Variants in HNRNPA1 observed in about 807,000 individuals in gnomAD.
HNRNPA1 encodes epididymis secretory sperm binding protein.
A neutral mutation model predicts 44.4 loss-of-function variants in HNRNPA1; 7 were observed. That is an observed-to-expected ratio of 0.16 (90% CI 0.09 to 0.30). The LOEUF is 0.30. HNRNPA1 is among the 10% of genes least tolerant of loss of function. The pLI, the probability that HNRNPA1 is intolerant of heterozygous loss-of-function variation, is 1.00. For synonymous variants in HNRNPA1, 169 were observed against 160.6 expected, an observed-to-expected ratio of 1.05 and a Z score of -0.40; for missense variants, 193 against 465.8, an observed-to-expected ratio of 0.41 and a Z score of 5.39.
chr12:54,283,801 C>G lies in HNRNPA1; in HGVS notation c.908-11C>G. ...CAGGTAACAGATAAAGGCCCTCTTT[C>G]CCATTCATAGGAAGCAATTTTGGAG... On this transcript the variant is annotated splice_polypyrimidine_tract_variant and intron_variant, in intron 8 of 10. Coordinates refer to ENST00000340913, the MANE Select transcript of HNRNPA1 (RefSeq NM_031157.4). 1 of 1,613,352 alleles carries G rather than the reference C, an allele frequency of 6.2e-7. No individual in the cohort carries two copies. The highest frequency in any genetic ancestry group is 1.3e-5 in the African/African-American group (1 of 75,006).
At chr12:54,284,430 G>C in intron 10 of HNRNPA1, 113 bp downstream of exon 10, 1 of 1,004,752 alleles carries the variant, frequency 1.0e-6, no homozygotes, top group South Asian at 1.3e-5. Flanking sequence ...TGCAGTAATT[G>C]TGGATATAAA....
In HNRNPA1 at chr12:54,280,949, C is replaced by A. The variant is rs998472863; in HGVS notation, c.15+127C>A. ...TCCTTCGGTCGCTGCCACGGCCTAC[C>A]CCTCCCAAAGTTCAAGTCGCCATTT... On this transcript the variant is annotated intron_variant, in intron 1 of 10. Transcript: ENST00000340913. 3.8e-6 allele frequency: 4 copies of A among 1,040,406 alleles called. No individual in the cohort carries two copies. In the African/African-American group the frequency reaches 4.7e-5, roughly 12 times the overall value. 64.4% of individuals were successfully genotyped at this position (1,040,406 alleles called of 1,614,324 possible). A position where few individuals can be genotyped will look rare whatever the true frequency, so the allele number is the denominator to read the frequency against.
chr12:54,284,351 T>A, intron 10 of HNRNPA1, 34 bp downstream of exon 10: 1 of 1,583,410 alleles, frequency 6.3e-7, no homozygotes, highest in Non-Finnish European at 8.7e-7. Context: ...TTGACATAAT[T>A]TTTTAAATTG....
chr12:54,285,239 C>T lies in HNRNPA1; in HGVS notation c.*695C>T, dbSNP rs1418493277. Reference sequence around the variant, plus strand: ...TGTGTAATCAATAAACGATTTAATTCTCTTGAATGAAATGACAACTGTATG... The same window carrying T: ...TGTGTAATCAATAAACGATTTAATTTTCTTGAATGAAATGACAACTGTATG... On this transcript the variant is annotated 3_prime_UTR_variant, in exon 11 of 11. Coordinates refer to ENST00000340913, the MANE Select transcript of HNRNPA1 (RefSeq NM_031157.4). 6.5e-6 allele frequency: 1 copy of T among 152,674 alleles called. No individual in the cohort carries two copies. Among genetic ancestry groups the T allele is most frequent in the Admixed American group, 6.5e-5 (1 of 15,286 alleles). The allele number at this position is 152,674 out of a possible 1,614,324, so 9.5% of individuals were successfully genotyped here. A position where few individuals can be genotyped will look rare whatever the true frequency, so the allele number is the denominator to read the frequency against.
Position 54,286,629 on chromosome 12 carries a change from A to T in HNRNPA1, c.*2085A>T, listed in dbSNP as rs1011190426. On this transcript the variant is annotated 3_prime_UTR_variant, in exon 11 of 11. Transcript: ENST00000340913. ...TTAGCTTGAGATGGGACTTGGTCTT[A>T]GAGCTAGTTCTAAAGGTTGTTTACT... 1.3e-5 allele frequency: 2 copies of T among 152,182 alleles called. No homozygotes were observed. The highest frequency in any genetic ancestry group is 2.9e-5 in the Non-Finnish European group (2 of 68,038). 9.4% of individuals were successfully genotyped at this position (152,182 alleles called of 1,614,324 possible). A position where few individuals can be genotyped will look rare whatever the true frequency, so the allele number is the denominator to read the frequency against.
In HNRNPA1 at chr12:54,282,675, G is replaced by T. The variant is rs779720610; in HGVS notation, c.676+10G>T. 9 of 1,609,890 alleles carry T rather than the reference G, an allele frequency of 5.6e-6. No individual in the cohort carries two copies. In the East Asian group the frequency reaches 2.0e-4, roughly 36 times the overall value. ...AACTTCAGTGGTCGTGGTATGTATGGTTTATCTACATGTAGTTCTGACTTC... is the reference window on the plus strand; with the variant it reads ...AACTTCAGTGGTCGTGGTATGTATGTTTTATCTACATGTAGTTCTGACTTC... On this transcript the variant is annotated intron_variant, in intron 6 of 10. Transcript: ENST00000340913.
At position 54,286,467 on chromosome 12, in the gene HNRNPA1, A is replaced by G. The variant is rs778907261; in HGVS notation, c.*1923A>G. 3 of 152,154 alleles carry G rather than the reference A, an allele frequency of 2.0e-5. No individual in the cohort carries two copies. The highest frequency in any genetic ancestry group is 4.4e-5 in the Non-Finnish European group (3 of 68,024). The allele number at this position is 152,154 out of a possible 1,614,324, so 9.4% of individuals were successfully genotyped here. On this transcript the variant is annotated 3_prime_UTR_variant, in exon 11 of 11. Coordinates refer to ENST00000340913, the MANE Select transcript of HNRNPA1 (RefSeq NM_031157.4). The stretch of plus-strand genomic sequence containing the variant: ...CCCAGTTGAAGGAAGTGAGCACATT[A>G]TTTGTACTGTGAATATAAATTTTTG...
Position 54,283,069 on chromosome 12 carries a change from A to G in HNRNPA1, c.752-10A>G. 1.9e-6 allele frequency: 3 copies of G among 1,612,036 alleles called. No individual in the cohort carries two copies. The highest frequency in any genetic ancestry group is 2.5e-6 in the Non-Finnish European group (3 of 1,179,482). On this transcript the variant is annotated splice_polypyrimidine_tract_variant and intron_variant, in intron 7 of 10. Transcript: ENST00000340913. ...CTTTTGTCTTATTGAGAAGAATTGT[A>G]TTCTTGTAGGTGGTTATGGAGGAGG...
chr12:54,282,830 G>T lies in HNRNPA1; in HGVS notation c.707G>T (p.Gly236Val), dbSNP rs775964533. 9.7e-6 allele frequency: 15 copies of T among 1,551,614 alleles called. No individual in the cohort carries two copies. The South Asian group carries it at 1.8e-4, about 18-fold the overall frequency. Residue 236 changes from glycine to valine, a missense_variant, in exon 7 of 11, where the codon GGA becomes GTA. Transcript: ENST00000340913. ...TTTGGTGGCAGCCGTGGTGGTGGTG[G>T]ATATGGTGGCAGTGGGGATGGCTAT... Reference protein sequence around the residue: ...GGFGGSRGGGGYGGSGDGYNG... With the variant: ...GGFGGSRGGGVYGGSGDGYNG...
chr12:54,281,998 G>T, intron 3 of HNRNPA1, 57 bp downstream of exon 3: 1 of 1,603,494 alleles, frequency 6.2e-7, no homozygotes, highest in African/African-American at 1.3e-5. Flanking sequence ...TGCTGCTATG[G>T]ACTTAAGATT....
Position 54,281,485 on chromosome 12 carries a change from A to G in HNRNPA1, c.115A>G (p.Thr39Ala). 1.2e-6 allele frequency: 2 copies of G among 1,607,794 alleles called. No individual in the cohort carries two copies. Among genetic ancestry groups the G allele is most frequent in the South Asian group, 2.2e-5 (2 of 90,912 alleles). Residue 39 changes from threonine (T) to alanine (A), a missense_variant, in exon 2 of 11, where the codon ACG (threonine) becomes GCG (alanine). Coordinates refer to ENST00000340913, the MANE Select transcript of HNRNPA1 (RefSeq NM_031157.4). ...SLRSHFEQWG[T>A]LTDCVVMRDP... ...GAGGAGCCATTTTGAGCAATGGGGA[A>G]CGCTCACGGACTGTGTGGTAAGATT... is the stretch of plus-strand genomic sequence containing the variant.
chr12:54,284,426 A>G (rs1442986328), intron 10 of HNRNPA1, 109 bp downstream of exon 10: 2 of 1,005,546 alleles, frequency 2.0e-6, no homozygotes, highest in Non-Finnish European at 3.1e-6. Flanking sequence ...TAATTGCAGT[A>G]ATTGTGGATA....
intron 8 of HNRNPA1, 26 bp downstream of exon 8, chr12:54,283,260 T>C: frequency 1.2e-6 from 2 of 1,608,212 alleles, no homozygotes; most frequent in Non-Finnish European, 1.7e-6. Flanking sequence ...TCCAAGTACT[T>C]GGTGTGACAG....
chr12:54,283,476 C>T (rs1475140345), intron 8 of HNRNPA1, among the ~76,000 whole-genome samples: 1 of 152,262 alleles, frequency 6.6e-6, no homozygotes, highest in Non-Finnish European at 1.5e-5. Flanking sequence ...TATTTTAACT[C>T]CTTTGGGACC....
chr12:54,282,694 T>G, intron 6 of HNRNPA1, 29 bp downstream of exon 6: 1 of 1,600,608 alleles, frequency 6.2e-7, no homozygotes, highest in Non-Finnish European at 8.6e-7. Context: ...CATGTAGTTC[T>G]GACTTCTCAC....
chr12:54,282,164 A>T lies in HNRNPA1; in HGVS notation c.354A>T (p.Glu118Asp), dbSNP rs761759393. Residue 118 changes from glutamate (E) to aspartate (D), a missense_variant, in exon 4 of 11, where the codon GAA (glutamate) becomes GAT (aspartate). Physicochemically the swap from Glu to Asp is conservative, Grantham distance 45. This residue lies in a region of HNRNPA1 where 57 missense variants were observed against 231.3 expected (regional missense o/e 0.25). Coordinates refer to ENST00000340913, the MANE Select transcript of HNRNPA1 (RefSeq NM_031157.4). Reference sequence around the variant, plus strand: ...GTGGCATTAAAGAAGACACTGAAGAACATCACCTAAGAGATTATTTTGAAC... The same window carrying T: ...GTGGCATTAAAGAAGACACTGAAGATCATCACCTAAGAGATTATTTTGAAC... Reference protein sequence around the residue: ...FVGGIKEDTEEHHLRDYFEQY... With the variant: ...FVGGIKEDTEDHHLRDYFEQY... The T allele has an allele frequency of 6.2e-7, 1 of 1,600,192 alleles. No individual in the cohort carries two copies. Among genetic ancestry groups the T allele is most frequent in the Admixed American group, 1.7e-5 (1 of 60,008 alleles).
rs1343640128 is a variant in HNRNPA1 at position 54,284,888 on chromosome 12, G to A, written c.*344G>A. Reference sequence around the variant, plus strand: ...ATAAATGTCTTTTTTTTAATGTGCTGTGTAAAGTTAGTCTACTCTTAAGCC... The same window carrying A: ...ATAAATGTCTTTTTTTTAATGTGCTATGTAAAGTTAGTCTACTCTTAAGCC... On this transcript the variant is annotated 3_prime_UTR_variant, in exon 11 of 11. Transcript: ENST00000340913. 3 of 293,520 alleles carry A rather than the reference G, an allele frequency of 1.0e-5. No homozygotes were observed. Among genetic ancestry groups the A allele is most frequent in the Non-Finnish European group, 2.0e-5 (3 of 148,652 alleles). The allele number at this position is 293,520 out of a possible 1,614,324, so 18.2% of individuals were successfully genotyped here. A position where few individuals can be genotyped will look rare whatever the true frequency, so the allele number is the denominator to read the frequency against.
At chr12:54,282,360 C>T (rs1251747539) in intron 4 of HNRNPA1, 34 bp from the exon 5 acceptor site, 1 of 1,609,762 alleles carries the variant, frequency 6.2e-7, no homozygotes, top group Non-Finnish European at 8.5e-7. Flanking sequence ...ATTCTAAACC[C>T]TGATACCATG....
intron 1 of HNRNPA1, 195 bp from the exon 2 acceptor site, chr12:54,281,191 C>G (rs539720712): frequency 4.3e-6 from 3 of 696,010 alleles, no homozygotes; most frequent in African/African-American, 3.5e-5. Flanking sequence ...CGACTAGGGA[C>G]GCATGCGCTT....
Sources: allele counts gnomAD v4.1 joint callset (sites outside exome capture counted in the v4.1 genomes callset), GRCh38; gene constraint gnomAD v4.1.1; regional missense constraint gnomAD v4.1.1; transcripts MANE v1.5; gene names NCBI Gene and HGNC (gene_info 2026-07-23, HGNC 2026-07-21).